The following AKT3 variants were observed in gnomAD, a reference collection of about 807,000 sequenced individuals.
The protein encoded by AKT3 is AKT serine/threonine kinase 3, also known as RAC-gamma serine/threonine-protein kinase.
In AKT3, 15 loss-of-function variants were observed where a neutral mutation model predicts 65.3. The observed-to-expected ratio is 0.23, with a 90% CI of 0.15 to 0.35. AKT3 has a LOEUF of 0.35. Ranked by LOEUF, AKT3 falls within the 10% of genes least tolerant of loss-of-function variation. The pLI is 1.00. For missense variants in AKT3, 243 were observed against 576.5 expected (o/e 0.42, Z 5.92); for synonymous variants, 206 against 183.8 (o/e 1.12, Z -0.98).
chr1:243,527,003 C>T (rs2148402048), intron 12 of AKT3, among the ~76,000 whole-genome samples: 1 of 152,066 alleles, frequency 6.6e-6, no homozygotes, highest in South Asian at 2.1e-4. Flanking sequence ...AAGAATAACA[C>T]TGGAAACAGC....
chr1:243,620,290 C>T (rs1678634276), intron 6 of AKT3, among the ~76,000 whole-genome samples: 1 of 98,434 alleles, frequency 1.0e-5, no homozygotes, highest in African/African-American at 2.6e-5. Context: ...CCTCCCCAGC[C>T]ATGCAGAACT....
chr1:243,532,301 T>C (rs1671593899), intron 12 of AKT3, among the ~76,000 whole-genome samples: 2 of 152,224 alleles, frequency 1.3e-5, no homozygotes, highest in Admixed American at 1.3e-4. Context: ...ATTTTTCATA[T>C]ATGACCTTTA....
chr1:243,824,566 A>T (rs1694049488), intron 2 of AKT3, among the ~76,000 whole-genome samples: 1 of 152,194 alleles, frequency 6.6e-6, no homozygotes, highest in African/African-American at 2.4e-5. Context: ...TCAAGACAAA[A>T]AAAACTTCAT....
chr1:243,499,654 C>CAACA (rs1669017445), downstream of AKT3: 2 of 957,700 alleles, frequency 2.1e-6, no homozygotes, highest in Non-Finnish European at 1.7e-6. Flanking sequence ...TTTTCTCCAA[C>CAACA]AACAGTTTTC....
intron 4 of AKT3, among the ~76,000 whole-genome samples, chr1:243,651,377 T>A (rs1418911335): frequency 6.6e-6 from 1 of 152,130 alleles, no homozygotes; most frequent in Non-Finnish European, 1.5e-5. Context: ...TATTTGAATA[T>A]CCTTTATTTC....
At chr1:243,656,689 T>G (rs1050479897) in intron 4 of AKT3, among the ~76,000 whole-genome samples, 4 of 152,132 alleles carry the variant, frequency 2.6e-5, no homozygotes, top group Non-Finnish European at 4.4e-5. Flanking sequence ...CATTAGTACT[T>G]GGGAAACAAC....
chr1:243,827,531 C>T (rs4518884), intron 2 of AKT3, among the ~76,000 whole-genome samples: 77,694 of 151,730 alleles, frequency 0.51, 23,663 homozygotes, highest in Non-Finnish European at 0.68. Context: ...TTTCTTGACC[C>T]AGGAATTTTA....
intron 8 of AKT3, among the ~76,000 whole-genome samples, chr1:243,601,329 GAAT>G (rs1676985616): frequency 6.6e-6 from 1 of 152,044 alleles, no homozygotes; most frequent in Admixed American, 6.5e-5. Context: ...TGGCAAATCA[GAAT>G]AAGAAAAGAA....
intron 8 of AKT3, among the ~76,000 whole-genome samples, chr1:243,597,516 G>C (rs1676706330): frequency 6.6e-6 from 1 of 151,740 alleles, no homozygotes; most frequent in Admixed American, 6.6e-5. Context: ...GTTTTGTTTT[G>C]TTTTGGTGAC....
intron 4 of AKT3, among the ~76,000 whole-genome samples, chr1:243,646,506 C>T (rs1332361605): frequency 6.6e-6 from 1 of 151,998 alleles, no homozygotes; most frequent in African/African-American, 2.4e-5. Flanking sequence ...AGGCGTGTGA[C>T]ACAATGCCTG....
At chr1:243,656,945 A>T (rs1185528405) in intron 4 of AKT3, among the ~76,000 whole-genome samples, 1 of 152,260 alleles carries the variant, frequency 6.6e-6, no homozygotes, top group African/African-American at 2.4e-5. Context: ...AAAAAGGTAT[A>T]TGTGCTATGA....
intron 4 of AKT3, among the ~76,000 whole-genome samples, chr1:243,658,429 CTGT>C (rs887989695): frequency 1.4e-4 from 22 of 152,134 alleles, no homozygotes; most frequent in Admixed American, 1.3e-3. Flanking sequence ...GCTAGTATGG[CTGT>C]TGTTTTTAAA....
At chr1:243,762,181 T>C (rs538068412) in intron 2 of AKT3, among the ~76,000 whole-genome samples, 2 of 152,142 alleles carry the variant, frequency 1.3e-5, no homozygotes, top group East Asian at 1.9e-4. Flanking sequence ...ATTAAAGTTA[T>C]CTTTCATTCC....
At chr1:243,654,236 C>A (rs1189010420) in intron 4 of AKT3, among the ~76,000 whole-genome samples, 2 of 152,078 alleles carry the variant, frequency 1.3e-5, no homozygotes, top group South Asian at 4.1e-4. Context: ...AATACAGCAA[C>A]CTCACAAAAA....
In AKT3 at chr1:243,567,453, C is replaced by T. The variant is rs1470608710; in HGVS notation, c.820-3605G>A. Reference sequence around the variant, plus strand: ...CTCCTAAGTACACAGGCGCACACCACTACCACGCCCTGCTAGTTTTTGTTT... The same window carrying T: ...CTCCTAAGTACACAGGCGCACACCATTACCACGCCCTGCTAGTTTTTGTTT... On this transcript the variant is annotated intron_variant, in intron 9 of 13. Transcript: ENST00000673466. Among the ~76,000 whole-genome samples, 2 of 150,942 alleles carry T rather than the reference C, an allele frequency of 1.3e-5. 1 individual carries two copies. Among genetic ancestry groups the T allele is most frequent in the Non-Finnish European group, 3.0e-5 (2 of 67,742 alleles).
At chr1:243,809,110 G>A (rs1435652622) in intron 2 of AKT3, among the ~76,000 whole-genome samples, 1 of 152,176 alleles carries the variant, frequency 6.6e-6, no homozygotes, top group Non-Finnish European at 1.5e-5. Context: ...ATGCTAGGAA[G>A]AAACTGTATC....
intron 2 of AKT3, among the ~76,000 whole-genome samples, chr1:243,770,756 G>T (rs893500114): frequency 1.4e-5 from 2 of 148,078 alleles, no homozygotes; most frequent in Admixed American, 6.7e-5. Context: ...AAACATTTTT[G>T]GGACAGCAAA....
intron 3 of AKT3, among the ~76,000 whole-genome samples, chr1:243,688,069 T>C (rs1684454940): frequency 6.6e-6 from 1 of 152,134 alleles, no homozygotes. Context: ...TTTCATTATA[T>C]GAATGTATCA....
At chr1:243,634,333 C>T (rs1279338613) in intron 6 of AKT3, among the ~76,000 whole-genome samples, 2 of 152,036 alleles carry the variant, frequency 1.3e-5, no homozygotes, top group East Asian at 3.9e-4. Flanking sequence ...GAGCCAACTG[C>T]ATATACTGTG....
Sources: gnomAD v4.1 joint callset for allele counts (sites outside exome capture counted in the v4.1 genomes callset) on GRCh38, gnomAD v4.1.1 for gene constraint, MANE v1.5 for transcripts, NCBI Gene and HGNC (gene_info 2026-07-23, HGNC 2026-07-21) for gene names.